LRRC56: variants seen among roughly 807,000 people sequenced by gnomAD.
The protein encoded by LRRC56 is leucine-rich repeat-containing protein 56.
Under a neutral mutation model 47.8 loss-of-function variants are expected in LRRC56, and 41 were observed. The ratio of observed to expected loss-of-function variants is 0.86; its 90% CI spans 0.67 to 1.11. The LOEUF is 1.11. LRRC56 is among the 50% of genes most tolerant of loss of function. LRRC56 has a pLI of 0.00. For missense variants in LRRC56, 759 were observed against 704.2 expected (o/e 1.08, Z -0.88); for synonymous variants, 387 against 311.2 (o/e 1.24, Z -2.56).
the LRRC56 span, among the ~76,000 whole-genome samples, chr11:512,685 G>A: frequency 6.6e-6 from 1 of 152,164 alleles, no homozygotes; most frequent in Admixed American, 6.5e-5. Flanking sequence ...TTATATAAAT[G>A]GAATTATATT....
At chr11:550,966 G>A (rs1019244889) in intron 8 of LRRC56, among the ~76,000 whole-genome samples, 165 bp from the exon 9 acceptor site, 1 of 152,172 alleles carries the variant, frequency 6.6e-6, no homozygotes, top group Non-Finnish European at 1.5e-5. Flanking sequence ...TCCCTGGGGT[G>A]TGAGAGTGAC....
rs1398787945 is a variant in LRRC56, at chr11:543,223, G to GT, written c.266-1489dup. Among the ~76,000 whole-genome samples, 5 of 138,758 alleles carry GT rather than the reference G, an allele frequency of 3.6e-5. No homozygotes were observed. In the South Asian group the frequency reaches 9.2e-4, roughly 26 times the overall value. The allele number at this position is 138,758 out of a possible 152,430, so 91.0% of individuals were successfully genotyped here. A position where few individuals can be genotyped will look rare whatever the true frequency, so the allele number is the denominator to read the frequency against. ...CCTGTTTTTTGTTTTTTTCATTGTT[G>GT]TTTTTTTTAAGACAGAGTCTCTCTC... On this transcript the variant is annotated intron_variant, in intron 5 of 13. Coordinates refer to ENST00000270115, the MANE Select transcript of LRRC56 (RefSeq NM_198075.4).
the LRRC56 span, among the ~76,000 whole-genome samples, chr11:509,882 A>G: frequency 1.3e-5 from 2 of 151,582 alleles, no homozygotes; most frequent in African/African-American, 2.4e-5. Context: ...TTATGTCTTT[A>G]TCTTATTTTT....
chr11:552,752 C>G lies in LRRC56; in HGVS notation c.1315+50C>G, dbSNP rs78604316. ...CCAGTGCCTGGGAGTGACCAACACC[C>G]CACTTCTATAGGGGGGCCCTTACCC... On this transcript the variant is annotated intron_variant, in intron 13 of 13. Coordinates refer to ENST00000270115, the MANE Select transcript of LRRC56 (RefSeq NM_198075.4). 0.045 allele frequency: 68,107 copies of G among 1,529,222 alleles called. 1,911 individuals are homozygous for G. Among genetic ancestry groups the G allele is most frequent in the African/African-American group, 0.11 (7,950 of 72,728 alleles). The allele number at this position is 1,529,222 out of a possible 1,614,324, so 94.7% of individuals were successfully genotyped here.
chr11:532,666 G>A (rs976055009), upstream of LRRC56: 3 of 1,612,890 alleles, frequency 1.9e-6, no homozygotes, highest in Admixed American at 1.7e-5. Flanking sequence ...AGCTCATGCA[G>A]CCGGGGCCAC....
the LRRC56 span, among the ~76,000 whole-genome samples, chr11:510,382 A>G: frequency 6.6e-6 from 1 of 152,084 alleles, no homozygotes; most frequent in Non-Finnish European, 1.5e-5. Context: ...CAGGCGGATC[A>G]TTTGAGGTCA....
the LRRC56 span, among the ~76,000 whole-genome samples, chr11:510,892 G>C: frequency 6.6e-6 from 1 of 152,170 alleles, no homozygotes; most frequent in Non-Finnish European, 1.5e-5. Context: ...CTGGGTGACA[G>C]AGTGAACCAT....
chr11:533,139 C>T, upstream of LRRC56: 1 of 791,494 alleles, frequency 1.3e-6, no homozygotes, highest in Non-Finnish European at 2.0e-6. Context: ...CCCAGGGTCA[C>T]CGCTCCGGCC....
At chr11:531,699 C>T in the LRRC56 span, among the ~76,000 whole-genome samples, 3 of 152,194 alleles carry the variant, frequency 2.0e-5, no homozygotes, top group African/African-American at 4.8e-5. Flanking sequence ...CCCTACTGGC[C>T]GCTACCCGAC....
chr11:549,963 G>C lies in LRRC56; in HGVS notation c.388G>C (p.Asp130His). The change falls in exon 7 of 14, where the codon GAC (aspartate) becomes CAC (histidine). Residue 130 changes from aspartate to histidine, a missense_variant. Transcript: ENST00000270115. ...VLWLARCGLA[D>H]LDGIASLPAL... ...GTGGCTGGCTCGCTGTGGCCTCGCT[G>C]ACCTGGATGGCATCGCCTCTTTGCC... 1 of 1,612,814 alleles carries C rather than the reference G, an allele frequency of 6.2e-7. No homozygotes were observed.
chr11:525,622 G>A, the LRRC56 span, among the ~76,000 whole-genome samples: 15 of 152,056 alleles, frequency 9.9e-5, no homozygotes, highest in Admixed American at 3.3e-4. Flanking sequence ...AGGGCTGGGT[G>A]AAGTGGCTCA....
the LRRC56 span, among the ~76,000 whole-genome samples, chr11:512,703 C>T: frequency 2.0e-5 from 3 of 152,216 alleles, no homozygotes; most frequent in Admixed American, 6.5e-5. Flanking sequence ...ATTGCATGTT[C>T]TCTTTTGTAT....
chr11:536,616 A>G (rs1329871753), upstream of LRRC56, among the ~76,000 whole-genome samples: 4 of 148,376 alleles, frequency 2.7e-5, no homozygotes, highest in Non-Finnish European at 5.9e-5. Context: ...CTAAAAACAC[A>G]AAAAATTAGT....
At chr11:540,260 G>A (rs1443756862) in intron 3 of LRRC56, among the ~76,000 whole-genome samples, 1 of 152,234 alleles carries the variant, frequency 6.6e-6, no homozygotes, top group Non-Finnish European at 1.5e-5. Context: ...AGGTGGAGAA[G>A]GACCCATAGC....
At chr11:536,808 C>G (rs528026909), upstream of LRRC56, 79 of 152,432 alleles carry the variant, frequency 5.2e-4, no homozygotes, top group African/African-American at 1.9e-3. Flanking sequence ...CTGCCTCTGC[C>G]CAGTCCAGCG....
rs938668142 is a variant in LRRC56 at position 541,285 on chromosome 11, G to C, written c.178-252G>C. On this transcript the variant is annotated intron_variant, in intron 4 of 13. Transcript: ENST00000270115. The surrounding 1 kb of genome is among the most constrained non-coding windows in gnomAD (Gnocchi z 4.1). ...CGGGTGTGGTGTGTCTGCCCTGGGA[G>C]TCTCTCTGGAGACGGGCAGCCCCCA... Among the ~76,000 whole-genome samples the C allele has an allele frequency of 1.4e-4, 22 of 152,184 alleles. No homozygotes were observed. Among genetic ancestry groups the C allele is most frequent in the Non-Finnish European group, 2.1e-4 (14 of 68,016 alleles).
At chr11:535,396 C>A (rs1398029272), upstream of LRRC56, 1 of 147,002 alleles carries the variant, frequency 6.8e-6, no homozygotes, top group Non-Finnish European at 1.5e-5. Flanking sequence ...GCGGCCCGGC[C>A]GATCCCTGCC....
At chr11:530,053 C>T in the LRRC56 span, among the ~76,000 whole-genome samples, 4 of 152,134 alleles carry the variant, frequency 2.6e-5, no homozygotes, top group East Asian at 1.9e-4. Flanking sequence ...CAGTGGTTCC[C>T]GTGCTGGAAC....
At chr11:535,033 C>G (rs977787432), upstream of LRRC56, among the ~76,000 whole-genome samples, 44 of 152,150 alleles carry the variant, frequency 2.9e-4, no homozygotes, top group African/African-American at 1.0e-3. Context: ...AGGCCCCCGG[C>G]CTGGTCCGCG....
Sources: allele counts gnomAD v4.1 joint callset (sites outside exome capture counted in the v4.1 genomes callset), GRCh38; gene constraint gnomAD v4.1.1; non-coding constraint Gnocchi (gnomAD v3.1); transcripts MANE v1.5; gene names NCBI Gene and HGNC (gene_info 2026-07-23, HGNC 2026-07-21).